Variants in LRRIQ1 observed in about 807,000 individuals in gnomAD.
The protein encoded by LRRIQ1 is leucine-rich repeat- and IQ domain-containing protein 1.
A neutral mutation model predicts 211.9 loss-of-function variants in LRRIQ1; 210 were observed. The observed-to-expected ratio is 0.99, with a 90% CI of 0.89 to 1.11. The LOEUF (loss-of-function observed/expected upper bound fraction) is 1.11. LRRIQ1 is among the 50% of genes most tolerant of loss of function. The probability of loss-of-function intolerance (pLI) is 0.00; values close to 1 mark genes in which losing one functional copy is unlikely to be tolerated. For synonymous variants in LRRIQ1, 699 were observed against 650.1 expected (o/e 1.08, Z -1.14); for missense variants, 2,136 against 1,939.5 (o/e 1.10, Z -1.90).
rs199874774 is a variant in LRRIQ1 at position 85,044,711 on chromosome 12, T to C, written c.245-7T>C. The C allele has an allele frequency of 3.3e-5, 48 of 1,442,414 alleles. No individual in the cohort carries two copies. The highest frequency in any genetic ancestry group is 4.4e-5 in the Non-Finnish European group (46 of 1,038,330). The allele number at this position is 1,442,414 out of a possible 1,614,324, so 89.4% of individuals were successfully genotyped here. A position where few individuals can be genotyped will look rare whatever the true frequency, so the allele number is the denominator to read the frequency against. On this transcript the variant is annotated splice_polypyrimidine_tract_variant and splice_region_variant and intron_variant, in intron 3 of 26. Coordinates refer to ENST00000393217, the MANE Select transcript of LRRIQ1 (RefSeq NM_001079910.2). The stretch of plus-strand genomic sequence containing the variant: ...TTGGAAGTTATATACATTTTTTCTT[T>C]CTCTAGGCTGTAGTTATGGAGCAGT...
chr12:85,258,686 A>G (rs1346702499), intron 1 of LRRIQ1, among the ~76,000 whole-genome samples: 1 of 151,976 alleles, frequency 6.6e-6, no homozygotes, highest in African/African-American at 2.4e-5. Flanking sequence ...CTTTGCTGCT[A>G]AAAATTGGTT....
intron 24 of LRRIQ1, among the ~76,000 whole-genome samples, chr12:85,190,464 A>G (rs923591480): frequency 3.4e-5 from 5 of 147,784 alleles, no homozygotes; most frequent in African/African-American, 1.2e-4. Context: ...TAAATAGTAT[A>G]TTATGTAATT....
intron 6 of LRRIQ1, chr12:85,048,680 T>A (rs1338987362): frequency 6.6e-6 from 1 of 152,174 alleles, no homozygotes; most frequent in Non-Finnish European, 1.5e-5. Flanking sequence ...TTCCTTTAGT[T>A]ATGTTTTCTT....
intron 19 of LRRIQ1, 141 bp downstream of exon 19, chr12:85,138,110 C>T: frequency 1.8e-6 from 1 of 555,144 alleles, no homozygotes; most frequent in Admixed American, 3.7e-5. Context: ...CTTTTCCTAA[C>T]ATCATCTTCT....
intron 15 of LRRIQ1, among the ~76,000 whole-genome samples, chr12:85,120,789 T>A (rs541556291): frequency 1.2e-4 from 19 of 152,300 alleles, no homozygotes; most frequent in African/African-American, 4.3e-4. Context: ...GAGTTCACTT[T>A]TCCCCTGTAA....
At chr12:85,092,934 G>A (rs572756625) in intron 11 of LRRIQ1, among the ~76,000 whole-genome samples, 1 of 152,284 alleles carries the variant, frequency 6.6e-6, no homozygotes, top group South Asian at 2.1e-4. Context: ...TTTAAAAGAT[G>A]ACACATGTTC....
chr12:85,251,901 T>C (rs1249028701), intron 1 of LRRIQ1, among the ~76,000 whole-genome samples: 2 of 151,620 alleles, frequency 1.3e-5, no homozygotes, highest in African/African-American at 4.8e-5. Context: ...CAACAGAAAC[T>C]ATCGTTTCTG....
intron 15 of LRRIQ1, among the ~76,000 whole-genome samples, chr12:85,120,370 T>C (rs1215032287): frequency 1.3e-5 from 2 of 152,210 alleles, no homozygotes; most frequent in Non-Finnish European, 2.9e-5. Context: ...TTCTGGACTT[T>C]CTATTCTGTT....
chr12:85,121,435 T>C (rs1887977276), intron 15 of LRRIQ1, among the ~76,000 whole-genome samples: 1 of 152,188 alleles, frequency 6.6e-6, no homozygotes, highest in Non-Finnish European at 1.5e-5. Flanking sequence ...TTTCCAAGTT[T>C]CAATCTTTCA....
At position 85,040,505 on chromosome 12, in the gene LRRIQ1, C is replaced by A; in HGVS notation, c.148C>A (p.Pro50Thr). 2 of 1,540,206 alleles carry A rather than the reference C, an allele frequency of 1.3e-6. No individual in the cohort carries two copies. Among genetic ancestry groups the A allele is most frequent in the Non-Finnish European group, 1.8e-6 (2 of 1,141,530 alleles). Residue 50 changes from proline to threonine, a missense_variant, in exon 3 of 27, where the codon CCA (proline) becomes ACA (threonine). Physicochemically the swap from Pro to Thr is conservative, Grantham distance 38 (BLOSUM62 -1). Transcript: ENST00000393217. Reference protein sequence around the residue: ...DDSDTDSVELPESVLHCINII... With the variant: ...DDSDTDSVELTESVLHCINII... ...AAATTTTTAGGATTCAGTTGAATTACCAGAATCAGTTCTTCACTGTATTAA... is the reference window on the plus strand; with the variant it reads ...AAATTTTTAGGATTCAGTTGAATTAACAGAATCAGTTCTTCACTGTATTAA...
At chr12:85,105,654 T>G (rs530983193) in intron 14 of LRRIQ1, among the ~76,000 whole-genome samples, 69 of 152,226 alleles carry the variant, frequency 4.5e-4, no homozygotes, top group Non-Finnish European at 7.5e-4. Flanking sequence ...AGTCAGGGTG[T>G]TGTTGTCTTC....
At position 85,121,779 on chromosome 12, in the gene LRRIQ1, G is replaced by T. The variant is rs1323157604; in HGVS notation, c.3460G>T (p.Glu1154Ter). ...CTCTAATTCAGAAAGCCGCACTGAAGAACACAATCAACTGGGATCAGCAGG... is the reference window on the plus strand; with the variant it reads ...CTCTAATTCAGAAAGCCGCACTGAATAACACAATCAACTGGGATCAGCAGG... ...LNSNSESRTE[E>*]HNQLGSAGFL... is the part of the protein sequence containing the mutation. The change falls in exon 16 of 27, where the codon GAA (glutamate) becomes TAA (stop). Residue 1154 changes from glutamate (E) to a stop codon, truncating the protein, a stop_gained. Coordinates refer to ENST00000393217, the MANE Select transcript of LRRIQ1 (RefSeq NM_001079910.2). LOFTEE classifies it high-confidence loss of function. 3 of 1,609,704 alleles carry T rather than the reference G, an allele frequency of 1.9e-6. No homozygotes were observed. Among genetic ancestry groups the T allele is most frequent in the Non-Finnish European group, 2.5e-6 (3 of 1,177,984 alleles).
At chr12:85,236,839 A>ATATATCTATCTATC (rs1565921338) in intron 26 of LRRIQ1, among the ~76,000 whole-genome samples, 1 of 141,272 alleles carries the variant, frequency 7.1e-6, no homozygotes, top group African/African-American at 2.8e-5. Flanking sequence ...GCATATATAT[A>ATATATCTATCTATC]TATATATATA....
intron 23 of LRRIQ1, among the ~76,000 whole-genome samples, chr12:85,154,969 A>T (rs1168973504): frequency 6.6e-6 from 1 of 151,130 alleles, no homozygotes; most frequent in Non-Finnish European, 1.5e-5. Flanking sequence ...ATCTTTTTCT[A>T]TTAATTATAT....
At chr12:85,228,876 C>T (rs560019150) in intron 24 of LRRIQ1, among the ~76,000 whole-genome samples, 1 of 152,060 alleles carries the variant, frequency 6.6e-6, no homozygotes, top group African/African-American at 2.4e-5. Context: ...GAGTTGATTA[C>T]TGCGATTTAG....
chr12:85,163,768 TA>T (rs1479331561), intron 24 of LRRIQ1, among the ~76,000 whole-genome samples: 1 of 152,132 alleles, frequency 6.6e-6, no homozygotes, highest in Non-Finnish European at 1.5e-5. Flanking sequence ...CAAATTATAT[TA>T]AAAATATAAG....
chr12:85,045,777 A>G (rs2135913118), intron 4 of LRRIQ1, among the ~76,000 whole-genome samples: 1 of 152,090 alleles, frequency 6.6e-6, no homozygotes, highest in South Asian at 2.1e-4. Context: ...ATACTAAATA[A>G]TATTAAAGAC....
intron 24 of LRRIQ1, among the ~76,000 whole-genome samples, chr12:85,209,989 A>G (rs185323266): frequency 1.3e-5 from 2 of 152,260 alleles, no homozygotes; most frequent in Admixed American, 1.3e-4. Context: ...ATGGAAATGA[A>G]TGACATTTTA....
chr12:85,081,943 A>G (rs991867527), intron 11 of LRRIQ1, among the ~76,000 whole-genome samples: 2 of 151,824 alleles, frequency 1.3e-5, no homozygotes, highest in Non-Finnish European at 2.9e-5. Context: ...GGCTGGTCTC[A>G]AACTCCTGAC....
Sources: allele counts gnomAD v4.1 joint callset (sites outside exome capture counted in the v4.1 genomes callset), GRCh38; gene constraint gnomAD v4.1.1; transcripts MANE v1.5; gene names NCBI Gene and HGNC (gene_info 2026-07-23, HGNC 2026-07-21).